CYBB: variants seen among roughly 807,000 people sequenced by gnomAD.
The protein encoded by CYBB is cytochrome b-245 beta chain.
Under a neutral mutation model 46.5 loss-of-function variants are expected in CYBB, and 5 were observed. The ratio of observed to expected loss-of-function variants is 0.11; its 90% confidence interval spans 0.06 to 0.23. The LOEUF (loss-of-function observed/expected upper bound fraction) is 0.23, where lower values mean the gene tolerates loss of function less well. CYBB is among the 10% of genes least tolerant of loss of function. The probability of loss-of-function intolerance (pLI) is 1.00; values close to 1 mark genes in which losing one functional copy is unlikely to be tolerated. For missense variants in CYBB, 307 were observed against 428.3 expected (o/e 0.72, Z 2.50); for synonymous variants, 183 against 156.7 (o/e 1.17, Z -1.26).
Position 37,792,055 on chromosome X carries a change from C to T in CYBB, c.333C>T (p.His111=), listed in dbSNP as rs782280444. The T allele has an allele frequency of 1.7e-6, 2 of 1,188,843 alleles. No homozygotes were observed. The highest frequency in any genetic ancestry group is 1.8e-5 in the South Asian group (1 of 56,511). ...HKMVAWMIAL[H]SAIHTIAHLF... Reference sequence around the variant, plus strand: ...TGGTGGCATGGATGATTGCACTTCACTCTGGTAAGTTTATTAAAGAAAACT... The same window carrying T: ...TGGTGGCATGGATGATTGCACTTCATTCTGGTAAGTTTATTAAAGAAAACT... The change falls in exon 4 of 13, where the codon CAC becomes CAT. Residue 111 remains histidine, a synonymous_variant. Coordinates refer to ENST00000378588, the MANE Select transcript of CYBB (RefSeq NM_000397.4).
chrX:37,801,624 G>GTT (rs1556469978), intron 8 of CYBB, among the ~76,000 whole-genome samples: 30 of 103,677 alleles, frequency 2.9e-4, no homozygotes, highest in African/African-American at 1.2e-3. Flanking sequence ...GTGTGTGTGT[G>GTT]TGTGTTTGTG....
intron 3 of CYBB, among the ~76,000 whole-genome samples, chrX:37,790,173 C>T (rs907777383): frequency 6.3e-5 from 7 of 111,922 alleles, no homozygotes; most frequent in African/African-American, 2.3e-4. Context: ...CCCAGAGTTC[C>T]CTGGTGTGAT....
intron 11 of CYBB, among the ~76,000 whole-genome samples, chrX:37,807,563 G>GA (rs1929590322): frequency 9.1e-6 from 1 of 110,257 alleles, no homozygotes; most frequent in South Asian, 3.8e-4. Flanking sequence ...CTTTACAGAT[G>GA]AAAAAACTCA....
rs1556467700 is a variant in CYBB at position 37,793,783 on chromosome X, T to C, written c.456T>C (p.Tyr152=). The C allele has an allele frequency of 2.5e-6, 3 of 1,208,195 alleles. No individual in the cohort carries two copies. Among genetic ancestry groups the C allele is most frequent in the Admixed American group, 2.2e-5 (1 of 45,800 alleles). The change falls in exon 5 of 13, where the codon TAT becomes TAC. Residue 152 remains tyrosine, a synonymous_variant. Transcript: ENST00000378588. The stretch of plus-strand genomic sequence containing the variant: ...TTGGAGACAGGCAAAATGAAAGTTA[T>C]CTCAATTTTGCTCGAAAGAGAATAA... ...SELGDRQNES[Y]LNFARKRIKN...
At chrX:37,801,450 GA>G (rs1929436671) in intron 8 of CYBB, 102 bp downstream of exon 8, 2 of 588,801 alleles carry the variant, frequency 3.4e-6, no homozygotes, top group African/African-American at 2.2e-5. Context: ...ACAACAGAGA[GA>G]AGACCTACAA....
chrX:37,797,424 G>A (rs1929337362), intron 6 of CYBB, among the ~76,000 whole-genome samples: 1 of 111,657 alleles, frequency 9.0e-6, no homozygotes, highest in African/African-American at 3.3e-5. Context: ...AGCAGACAGA[G>A]GAGATATGTT....
rs141951414 is a variant in CYBB, at chrX:37,780,461, A to G, written c.45+339A>G. 6.8e-3 allele frequency among the ~76,000 whole-genome samples: 755 copies of G among 111,634 alleles called. 10 individuals carry two copies. Among genetic ancestry groups the G allele is most frequent in the African/African-American group, 0.023 (704 of 30,794 alleles). ...CAGACGCACATGTCTATGTGTTTATACTACTTTAAAAATGACAAATTGAAA... is the reference window on the plus strand; with the variant it reads ...CAGACGCACATGTCTATGTGTTTATGCTACTTTAAAAATGACAAATTGAAA... On this transcript the variant is annotated intron_variant, in intron 1 of 12. Transcript: ENST00000378588.
At position 37,796,084 on chromosome X, in the gene CYBB, G is replaced by C. The variant is rs781972148; in HGVS notation, c.617G>C (p.Trp206Ser). The change falls in exon 6 of 13, where the codon TGG becomes TCG. Residue 206 changes from tryptophan (W) to serine (S), a missense_variant. Trp to Ser is a radical substitution (Grantham distance 177). Transcript: ENST00000378588. ...CGGAGGTCTTACTTTGAAGTCTTTT[G>C]GTACACACATCATCTCTTTGTGATC... ...TIRRSYFEVF[W>S]YTHHLFVIFF... 4 of 1,209,995 alleles carry C rather than the reference G, an allele frequency of 3.3e-6. No homozygotes were observed. In the South Asian group the frequency reaches 7.0e-5, roughly 21 times the overall value.
intron 7 of CYBB, among the ~76,000 whole-genome samples, chrX:37,800,777 G>A (rs1400322653): frequency 8.9e-6 from 1 of 112,271 alleles, no homozygotes; most frequent in African/African-American, 3.2e-5. Flanking sequence ...CAGAATATTG[G>A]AGAAACAGCC....
chrX:37,806,866 CTCTGTCTCTCTG>C (rs1284263457), intron 11 of CYBB, among the ~76,000 whole-genome samples: 5 of 105,562 alleles, frequency 4.7e-5, no homozygotes, highest in African/African-American at 1.9e-4. Flanking sequence ...CTGTCTCTCT[CTCTGTCTCTCTG>C]TCTCTCTCTC....
At chrX:37,801,475 A>G in intron 8 of CYBB, 127 bp downstream of exon 8, 1 of 544,099 alleles carries the variant, frequency 1.8e-6, no homozygotes, top group East Asian at 3.3e-5. Flanking sequence ...ATTTCAATTT[A>G]CTTAGCTCAA....
intron 1 of CYBB, among the ~76,000 whole-genome samples, chrX:37,780,830 A>C (rs1928937312): frequency 9.0e-6 from 1 of 111,463 alleles, no homozygotes; most frequent in Non-Finnish European, 1.9e-5. Flanking sequence ...AAAACAAAGA[A>C]AATCAACTGT....
chrX:37,783,385 G>T, intron 2 of CYBB, 105 bp from the exon 3 acceptor site: 2 of 548,980 alleles, frequency 3.6e-6, no homozygotes, highest in South Asian at 2.4e-5. Context: ...CAGATCACTT[G>T]GTGTCTCTGG....
intron 3 of CYBB, 66 bp downstream of exon 3, chrX:37,783,666 T>C: frequency 1.4e-6 from 1 of 713,188 alleles, no homozygotes; most frequent in Non-Finnish European, 2.2e-6. Context: ...TGCCCTTTTT[T>C]AGGTAAAAAC....
chrX:37,782,782 G>C (rs1928979142), intron 2 of CYBB, among the ~76,000 whole-genome samples: 1 of 110,811 alleles, frequency 9.0e-6, no homozygotes, highest in East Asian at 2.8e-4. Flanking sequence ...ACATCATGCT[G>C]AAACTATGAA....
chrX:37,794,643 A>T (rs1929263693), intron 5 of CYBB, among the ~76,000 whole-genome samples: 1 of 111,316 alleles, frequency 9.0e-6, no homozygotes, highest in Non-Finnish European at 1.9e-5. Context: ...CTTGAGAAGC[A>T]CATGTGCACT....
In CYBB at chrX:37,805,128, A is replaced by G; in HGVS notation, c.1274A>G (p.Tyr425Cys). Residue 425 changes from tyrosine to cysteine, a missense_variant, in exon 10 of 13, where the codon TAC becomes TGC. This residue lies in a region of CYBB where 122 missense variants were observed against 208.3 expected (regional missense o/e 0.59). Coordinates refer to ENST00000378588, the MANE Select transcript of CYBB (RefSeq NM_000397.4). Reference sequence around the variant, plus strand: ...GCATCCATTCTCAAGTCAGTCTGGTACAAATATTGCAATAACGCCACCAAT... The same window carrying G: ...GCATCCATTCTCAAGTCAGTCTGGTGCAAATATTGCAATAACGCCACCAAT... Reference protein sequence around the residue: ...PFASILKSVWYKYCNNATNLK... With the variant: ...PFASILKSVWCKYCNNATNLK... 1 of 1,211,453 alleles carries G rather than the reference A, an allele frequency of 8.3e-7. No individual in the cohort carries two copies.
At chrX:37,803,799 G>A in intron 8 of CYBB, 78 bp from the exon 9 acceptor site, 4 of 1,110,200 alleles carry the variant, frequency 3.6e-6, no homozygotes, top group South Asian at 3.8e-5. Context: ...ATTTAGCTCA[G>A]TTTTTTATCC....
intron 3 of CYBB, among the ~76,000 whole-genome samples, chrX:37,790,782 A>G (rs1929183561): frequency 9.0e-6 from 1 of 111,552 alleles, no homozygotes; most frequent in East Asian, 2.8e-4. Flanking sequence ...ATTTAAATTG[A>G]ATAAAACATT....
Sources: gnomAD v4.1 joint callset for allele counts (sites outside exome capture counted in the v4.1 genomes callset) on GRCh38, gnomAD v4.1.1 for gene constraint, gnomAD v4.1.1 regional missense constraint, MANE v1.5 for transcripts, NCBI Gene and HGNC (gene_info 2026-07-23, HGNC 2026-07-21) for gene names.